RGS7: variants seen among roughly 807,000 people sequenced by gnomAD.
RGS7 encodes regulator of G protein signaling 7.
RGS7 carries 27 observed loss-of-function variants against 81.1 expected under a neutral mutation model. The ratio of observed to expected loss-of-function variants is 0.33; its 90% CI spans 0.25 to 0.46. The LOEUF (loss-of-function observed/expected upper bound fraction) is 0.46. Ranked by LOEUF, RGS7 falls within the 20% of genes least tolerant of loss-of-function variation. RGS7 has a pLI of 1.00. For synonymous variants in RGS7, 208 were observed against 207.7 expected (o/e 1.00, Z -0.01); for missense variants, 396 against 607.4 (o/e 0.65, Z 3.66).
intron 3 of RGS7, among the ~76,000 whole-genome samples, chr1:241,064,941 G>A (rs1377071710): frequency 2.0e-5 from 3 of 151,962 alleles, no homozygotes; most frequent in Non-Finnish European, 4.4e-5. Flanking sequence ...AAAAAAGGAT[G>A]CAAGAAAAAT....
intron 3 of RGS7, among the ~76,000 whole-genome samples, chr1:241,075,752 G>A (rs1314687863): frequency 6.6e-6 from 1 of 152,162 alleles, no homozygotes; most frequent in Non-Finnish European, 1.5e-5. Context: ...AATTTGTTCT[G>A]AAAGACAGTA....
At chr1:241,093,876 T>G (rs1304360562) in intron 3 of RGS7, among the ~76,000 whole-genome samples, 1 of 152,000 alleles carries the variant, frequency 6.6e-6, no homozygotes, top group African/African-American at 2.4e-5. Flanking sequence ...CCAATACATG[T>G]GCTATGGGGG....
Position 240,986,574 on chromosome 1 carries a change from T to A in RGS7, c.176-3445A>T, listed in dbSNP as rs201691399. ...ATGTAATTTAAACACCACTATTATT[T>A]TTTTTTTTTTTTTTTTTTTTTTTTT... On this transcript the variant is annotated intron_variant, in intron 3 of 18. Transcript: ENST00000440928. Among the ~76,000 whole-genome samples, 2 of 882 alleles carry A rather than the reference T, an allele frequency of 2.3e-3. 1 individual carries two copies. The highest frequency in any genetic ancestry group is 0.012 in the African/African-American group (2 of 164). The allele number at this position is 882 out of a possible 152,430, so 0.6% of individuals were successfully genotyped here.
At chr1:240,982,721 T>A (rs549814110) in intron 4 of RGS7, among the ~76,000 whole-genome samples, 62 of 152,236 alleles carry the variant, frequency 4.1e-4, no homozygotes, top group African/African-American at 1.5e-3. Flanking sequence ...TATAAGTTAA[T>A]GAGATGTATG....
chr1:240,906,153 T>C (rs534726440), intron 6 of RGS7, among the ~76,000 whole-genome samples: 1 of 152,258 alleles, frequency 6.6e-6, no homozygotes, highest in South Asian at 2.1e-4. Context: ...CAAATATCTA[T>C]AAAGTTCACA....
chr1:240,911,893 G>A (rs1671811461), intron 6 of RGS7, among the ~76,000 whole-genome samples: 1 of 151,810 alleles, frequency 6.6e-6, no homozygotes, highest in Middle Eastern at 3.2e-3. Context: ...TGTAATCCCA[G>A]CACTTTGGGA....
rs562516791 is a variant in RGS7, at chr1:240,775,549, C to T, written c.*671G>A. 1 of 152,560 alleles carries T rather than the reference C, an allele frequency of 6.6e-6. No individual in the cohort carries two copies. The highest frequency in any genetic ancestry group is 2.1e-4 in the South Asian group (1 of 4,820). 9.5% of individuals were successfully genotyped at this position (152,560 alleles called of 1,614,324 possible). ...CATCTTTTAATGAAAGATAAAACAA[C>T]AATATAAACATACACAAATTTACAG... On this transcript the variant is annotated 3_prime_UTR_variant, in exon 19 of 19. Transcript: ENST00000440928.
At chr1:241,121,313 C>T (rs995433472) in intron 2 of RGS7, among the ~76,000 whole-genome samples, 13 of 152,154 alleles carry the variant, frequency 8.5e-5, no homozygotes, top group Admixed American at 2.0e-4. Flanking sequence ...AGCTGCAGAA[C>T]CTTGTTTTGC....
chr1:240,917,812 C>A (rs1487304448), intron 6 of RGS7, among the ~76,000 whole-genome samples: 2 of 152,018 alleles, frequency 1.3e-5, no homozygotes, highest in African/African-American at 4.8e-5. Context: ...AAGTAAAAGA[C>A]AGGGACTATC....
In RGS7 at chr1:240,786,056, C is replaced by T. The variant is rs149104658; in HGVS notation, c.*7-9843G>A. Among the ~76,000 whole-genome samples the T allele has an allele frequency of 7.4e-3, 1,124 of 152,226 alleles. 22 individuals carry two copies. The highest frequency in any genetic ancestry group is 0.024 in the South Asian group (115 of 4,822). ...AAGAGATAGCTTATGAACACATATA[C>T]ATTTAAGTACTGGTCACTAGCTTCC... On this transcript the variant is annotated intron_variant, in intron 18 of 18. Coordinates refer to ENST00000440928, the MANE Select transcript of RGS7 (RefSeq NM_001364886.1).
intron 2 of RGS7, among the ~76,000 whole-genome samples, chr1:241,290,209 T>G (rs1339501048): frequency 6.6e-6 from 1 of 152,178 alleles, no homozygotes; most frequent in Non-Finnish European, 1.5e-5. Flanking sequence ...CACCCAGAAC[T>G]GCTATAGGCA....
In RGS7 at chr1:241,047,434, G is replaced by T. The variant is rs149734394; in HGVS notation, c.175+51232C>A. On this transcript the variant is annotated intron_variant, in intron 3 of 18. Transcript: ENST00000440928. ...ACCTTTCTTCTCTCTCTCACTTGGG[G>T]TTAGAACTGAAGGATTACCTGTTAA... Among the ~76,000 whole-genome samples the T allele has an allele frequency of 6.9e-4, 104 of 151,776 alleles. 2 individuals carry two copies. The East Asian group carries it at 0.018, about 26-fold the overall frequency.
intron 2 of RGS7, among the ~76,000 whole-genome samples, chr1:241,155,060 A>AAAAT (rs1207554738): frequency 2.0e-5 from 3 of 152,250 alleles, no homozygotes; most frequent in Admixed American, 2.0e-4. Context: ...TAATGAGAAC[A>AAAAT]AAATAAACAC....
chr1:241,126,108 G>T (rs964404220), intron 2 of RGS7, among the ~76,000 whole-genome samples: 2 of 151,610 alleles, frequency 1.3e-5, no homozygotes, highest in South Asian at 2.1e-4. Context: ...TTTGAAATGG[G>T]AATAATTGAG....
rs145677187 is a variant in RGS7, at chr1:241,151,166, A to G, written c.79-52404T>C. ...ACCCTAACAGTCGTGCCCAGAAACA[A>G]TGTTTCACCAGCCATCTAGGCATCC... On this transcript the variant is annotated intron_variant, in intron 2 of 18. Transcript: ENST00000440928. Among the ~76,000 whole-genome samples the G allele has an allele frequency of 2.2e-3, 330 of 152,284 alleles. 2 individuals are homozygous for G. The highest frequency in any genetic ancestry group is 7.7e-3 in the African/African-American group (318 of 41,562).
At chr1:240,925,540 A>T (rs991710322) in intron 6 of RGS7, among the ~76,000 whole-genome samples, 2 of 152,162 alleles carry the variant, frequency 1.3e-5, no homozygotes, top group African/African-American at 2.4e-5. Flanking sequence ...ATGGGCACCT[A>T]TGTTGATTTC....
At chr1:240,974,996 A>C (rs982606915) in intron 4 of RGS7, among the ~76,000 whole-genome samples, 3 of 152,166 alleles carry the variant, frequency 2.0e-5, no homozygotes, top group African/African-American at 7.2e-5. Context: ...ATGTCTGCAA[A>C]GCTCATGACC....
intron 3 of RGS7, among the ~76,000 whole-genome samples, chr1:241,071,791 T>A (rs1193548660): frequency 7.0e-6 from 1 of 142,380 alleles, no homozygotes; most frequent in Non-Finnish European, 1.5e-5. Context: ...GGAGGATCCC[T>A]TGGGCCCAGG....
intron 4 of RGS7, among the ~76,000 whole-genome samples, chr1:240,976,813 A>G (rs549935784): frequency 6.6e-6 from 1 of 151,388 alleles, no homozygotes; most frequent in Non-Finnish European, 1.5e-5. Context: ...TCATCTATCT[A>G]TATTTTCTAT....
Sources: allele counts gnomAD v4.1 joint callset (sites outside exome capture counted in the v4.1 genomes callset), GRCh38; gene constraint gnomAD v4.1.1; transcripts MANE v1.5; gene names NCBI Gene and HGNC (gene_info 2026-07-23, HGNC 2026-07-21).